ZNF704: variants seen among roughly 807,000 people sequenced by gnomAD.
The protein encoded by ZNF704 is zinc finger protein 704, also known as glucocorticoid induced gene 1.
In ZNF704, 10 loss-of-function variants were observed where a neutral mutation model predicts 44.7. That is an observed-to-expected ratio of 0.22 (90% CI 0.14 to 0.38). The LOEUF (loss-of-function observed/expected upper bound fraction) is 0.38, where lower values mean the gene tolerates loss of function less well. Ranked by LOEUF, ZNF704 falls within the 10% of genes least tolerant of loss-of-function variation. The pLI, the probability that ZNF704 is intolerant of heterozygous loss-of-function variation, is 1.00. For synonymous variants in ZNF704, 211 were observed against 207.6 expected, an observed-to-expected ratio of 1.02 and a Z score of -0.14; for missense variants, 390 against 545.5, an observed-to-expected ratio of 0.71 and a Z score of 2.84.
rs76980781 is a variant in ZNF704 at position 80,678,208 on chromosome 8, G to T, written c.559-7605C>A. ...TTGCATCCTAGAGATATAGAAAGTT[G>T]CTGTGGATTTGCAAGGCAGTTGCAA... is the stretch of plus-strand genomic sequence containing the variant. On this transcript the variant is annotated intron_variant, in intron 4 of 8. Coordinates refer to ENST00000327835, the MANE Select transcript of ZNF704 (RefSeq NM_001033723.3). 9.7e-3 allele frequency among the ~76,000 whole-genome samples: 1,483 copies of T among 152,320 alleles called. 18 individuals are homozygous for T. Among genetic ancestry groups the T allele is most frequent in the African/African-American group, 0.033 (1,387 of 41,576 alleles).
chr8:80,755,002 A>T lies in ZNF704; in HGVS notation c.222-61895T>A, dbSNP rs192702451. ...AATTAGTAAAAAATTAACAACAATT[A>T]GCAGAAGATAATAGGGTAAAAGTTC... On this transcript the variant is annotated intron_variant, in intron 2 of 8. Transcript: ENST00000327835. 2.7e-4 allele frequency among the ~76,000 whole-genome samples: 41 copies of T among 152,340 alleles called. 1 individual carries two copies. The Middle Eastern group carries it at 0.027, about 101-fold the overall frequency.
intron 2 of ZNF704, among the ~76,000 whole-genome samples, chr8:80,805,006 T>A (rs535018949): frequency 7.4e-4 from 112 of 152,308 alleles, no homozygotes; most frequent in African/African-American, 2.5e-3. Flanking sequence ...TAGTGACTAC[T>A]AGGGTTTATT....
chr8:80,735,323 G>A lies in ZNF704; in HGVS notation c.222-42216C>T, dbSNP rs560531047. Among the ~76,000 whole-genome samples, 9 of 152,256 alleles carry A rather than the reference G, an allele frequency of 5.9e-5. No individual in the cohort carries two copies. The South Asian group carries it at 1.9e-3, about 32-fold the overall frequency. On this transcript the variant is annotated intron_variant, in intron 2 of 8. Coordinates refer to ENST00000327835, the MANE Select transcript of ZNF704 (RefSeq NM_001033723.3). ...CTACTCTTATTTATGAAGATCAAATGCTACCTTCTCCTACACATCTTTTCT... is the reference window on the plus strand; with the variant it reads ...CTACTCTTATTTATGAAGATCAAATACTACCTTCTCCTACACATCTTTTCT...
intron 4 of ZNF704, among the ~76,000 whole-genome samples, chr8:80,678,273 T>C (rs995162696): frequency 6.6e-6 from 1 of 152,224 alleles, no homozygotes; most frequent in Non-Finnish European, 1.5e-5. Context: ...GTGGGAAGAC[T>C]GTCAACTGTT....
intron 4 of ZNF704, among the ~76,000 whole-genome samples, chr8:80,672,691 C>G (rs1468513577): frequency 6.6e-6 from 1 of 152,106 alleles, no homozygotes; most frequent in Non-Finnish European, 1.5e-5. Flanking sequence ...GCTCTCACTT[C>G]TAAGTGGGAG....
At chr8:80,811,167 T>C (rs961674478) in intron 2 of ZNF704, among the ~76,000 whole-genome samples, 1 of 152,102 alleles carries the variant, frequency 6.6e-6, no homozygotes, top group Non-Finnish European at 1.5e-5. Flanking sequence ...TTGTCCAAAC[T>C]GAGATGTGCT....
At chr8:80,733,840 T>C (rs1218046050) in intron 2 of ZNF704, among the ~76,000 whole-genome samples, 1 of 152,222 alleles carries the variant, frequency 6.6e-6, no homozygotes, top group African/African-American at 2.4e-5. Context: ...TAGTATATTT[T>C]GTCCAGCTTT....
chr8:80,684,288 T>C (rs548299416), intron 4 of ZNF704, among the ~76,000 whole-genome samples: 4 of 152,318 alleles, frequency 2.6e-5, no homozygotes, highest in African/African-American at 9.6e-5. Flanking sequence ...CAATAAGAAA[T>C]ACATTTTGCA....
chr8:80,728,188 T>C (rs912496885), intron 2 of ZNF704, among the ~76,000 whole-genome samples: 2 of 152,144 alleles, frequency 1.3e-5, no homozygotes, highest in African/African-American at 4.8e-5. Context: ...CCCTACAAAG[T>C]AGTCATTGCC....
chr8:80,832,613 A>G (rs1454643767), intron 1 of ZNF704, among the ~76,000 whole-genome samples: 2 of 152,232 alleles, frequency 1.3e-5, no homozygotes, highest in Non-Finnish European at 2.9e-5. Flanking sequence ...ATTTCCAGGA[A>G]TAATCTGAAA....
intron 4 of ZNF704, among the ~76,000 whole-genome samples, chr8:80,672,343 G>A (rs1187953466): frequency 6.6e-6 from 1 of 152,210 alleles, no homozygotes; most frequent in African/African-American, 2.4e-5. Flanking sequence ...TTCAGCCACT[G>A]TGGAAGGCAG....
chr8:80,665,711 T>A lies in ZNF704; in HGVS notation c.660-629A>T, dbSNP rs192884856. Among the ~76,000 whole-genome samples, 988 of 152,110 alleles carry A rather than the reference T, an allele frequency of 6.5e-3. 7 individuals carry two copies. Among genetic ancestry groups the A allele is most frequent in the Middle Eastern group, 0.02 (6 of 294 alleles). On this transcript the variant is annotated intron_variant, in intron 5 of 8. Coordinates refer to ENST00000327835, the MANE Select transcript of ZNF704 (RefSeq NM_001033723.3). The stretch of plus-strand genomic sequence containing the variant: ...AGATTTAAAAAATTAAAAAATAATT[T>A]AAAAAATAGATATTTAATATATCAG...
intron 2 of ZNF704, among the ~76,000 whole-genome samples, chr8:80,746,498 G>T (rs1806846969): frequency 6.6e-6 from 1 of 152,076 alleles, no homozygotes; most frequent in Non-Finnish European, 1.5e-5. Flanking sequence ...ACTCTTATGG[G>T]GTTCACATTC....
intron 2 of ZNF704, among the ~76,000 whole-genome samples, chr8:80,802,849 C>G (rs1442700858): frequency 6.6e-6 from 1 of 152,006 alleles, no homozygotes; most frequent in African/African-American, 2.4e-5. Context: ...GGCAATCAGG[C>G]AAAAGAATGA....
At chr8:80,788,640 T>A (rs1163210181) in intron 2 of ZNF704, among the ~76,000 whole-genome samples, 1 of 152,122 alleles carries the variant, frequency 6.6e-6, no homozygotes, top group East Asian at 1.9e-4. Flanking sequence ...GGATCTTAGG[T>A]CTATGAGGAT....
At chr8:80,862,841 C>A (rs1356502499) in intron 1 of ZNF704, among the ~76,000 whole-genome samples, 1 of 149,142 alleles carries the variant, frequency 6.7e-6, no homozygotes, top group Non-Finnish European at 1.5e-5. Flanking sequence ...GCTAAAAGCA[C>A]ACTTTCAGAG....
At chr8:80,819,825 C>G (rs1326749506) in intron 2 of ZNF704, among the ~76,000 whole-genome samples, 1 of 151,860 alleles carries the variant, frequency 6.6e-6, no homozygotes, top group African/African-American at 2.4e-5. Context: ...AACTAAGAGG[C>G]CTATAATTTT....
At chr8:80,714,144 A>T (rs969800463) in intron 2 of ZNF704, among the ~76,000 whole-genome samples, 1 of 152,192 alleles carries the variant, frequency 6.6e-6, no homozygotes, top group Admixed American at 6.5e-5. Flanking sequence ...GTAACAGTTG[A>T]CTTAGCAGGA....
intron 3 of ZNF704, among the ~76,000 whole-genome samples, chr8:80,689,263 T>A (rs1474971659): frequency 6.6e-6 from 1 of 152,200 alleles, no homozygotes; most frequent in Non-Finnish European, 1.5e-5. Context: ...TACCTATTTA[T>A]GGATTTCTAC....
Sources: gnomAD v4.1 joint callset for allele counts (sites outside exome capture counted in the v4.1 genomes callset) on GRCh38, gnomAD v4.1.1 for gene constraint, MANE v1.5 for transcripts, NCBI Gene and HGNC (gene_info 2026-07-23, HGNC 2026-07-21) for gene names.